Variants in SPATS2L observed in about 807,000 individuals in gnomAD.
SPATS2L encodes the protein spermatogenesis associated serine rich 2 like.
Under a neutral mutation model 59.6 loss-of-function variants are expected in SPATS2L, and 30 were observed. The observed-to-expected ratio is 0.50, with a 90% CI of 0.38 to 0.68. The LOEUF (loss-of-function observed/expected upper bound fraction) is 0.68. Ranked by LOEUF, SPATS2L falls within the 30% of genes least tolerant of loss-of-function variation. The pLI, the probability that SPATS2L is intolerant of heterozygous loss-of-function variation, is 0.00. For missense variants in SPATS2L, 615 were observed against 700.0 expected (o/e 0.88, Z 1.37); for synonymous variants, 252 against 263.5 (o/e 0.96, Z 0.42).
At position 200,441,800 on chromosome 2, in the gene SPATS2L, T is replaced by A. The variant is rs376499361; in HGVS notation, c.788+1016T>A. ...CACCATGCCCAAGCTCATTAACATATTCTCTATATCTCATTGGCCTCCCGT... is the reference window on the plus strand; with the variant it reads ...CACCATGCCCAAGCTCATTAACATAATCTCTATATCTCATTGGCCTCCCGT... On this transcript the variant is annotated intron_variant, in intron 8 of 12. Coordinates refer to ENST00000409140, the MANE Select transcript of SPATS2L (RefSeq NM_001100423.2). Among the ~76,000 whole-genome samples the A allele has an allele frequency of 1.7e-3, 261 of 152,204 alleles. 2 individuals are homozygous for A. The highest frequency in any genetic ancestry group is 6.0e-3 in the African/African-American group (249 of 41,544).
intron 2 of SPATS2L, among the ~76,000 whole-genome samples, chr2:200,352,349 A>T (rs1196454606): frequency 3.2e-3 from 77 of 23,720 alleles, no homozygotes; most frequent in Non-Finnish European, 0.012. Flanking sequence ...ATATATATAT[A>T]TATATATATA....
chr2:200,416,669 T>C (rs1396168377), intron 5 of SPATS2L, among the ~76,000 whole-genome samples: 1 of 152,112 alleles, frequency 6.6e-6, no homozygotes, highest in Admixed American at 6.5e-5. Flanking sequence ...AGTCCCAGAG[T>C]TGTTCTCTTT....
At chr2:200,319,769 C>T (rs991356696) in intron 1 of SPATS2L, among the ~76,000 whole-genome samples, 18 of 151,988 alleles carry the variant, frequency 1.2e-4, no homozygotes, top group Admixed American at 1.2e-3. Context: ...AAGAAAACTT[C>T]CAAGCCTTTT....
At chr2:200,308,154 TTGAC>T (rs1347992892) in intron 1 of SPATS2L, among the ~76,000 whole-genome samples, 7 of 152,080 alleles carry the variant, frequency 4.6e-5, no homozygotes, top group South Asian at 2.1e-4. Context: ...CAGCACCACT[TTGAC>T]TGGTACTGTT....
chr2:200,472,924 A>C lies in SPATS2L; in HGVS notation c.1153A>C (p.Ser385Arg), dbSNP rs1165854354. The C allele has an allele frequency of 6.2e-7, 1 of 1,613,882 alleles. No individual in the cohort carries two copies. Among genetic ancestry groups the C allele is most frequent in the Non-Finnish European group, 8.5e-7 (1 of 1,179,872 alleles). ...GCACGCAGCAACCTCTGGGAAACAG[A>C]GTAACTTTTCCCGAAAATCATCCAC... is the stretch of plus-strand genomic sequence containing the variant. Reference protein sequence around the residue: ...NAHAATSGKQSNFSRKSSTHN... With the variant: ...NAHAATSGKQRNFSRKSSTHN... The change falls in exon 12 of 13, where the codon AGT becomes CGT. Residue 385 changes from serine (S) to arginine (R), a missense_variant. Physicochemically the swap from Ser to Arg is moderately radical, Grantham distance 110 (BLOSUM62 -1). Coordinates refer to ENST00000409140, the MANE Select transcript of SPATS2L (RefSeq NM_001100423.2).
chr2:200,369,284 G>T (rs531103325), intron 2 of SPATS2L, among the ~76,000 whole-genome samples: 3 of 152,160 alleles, frequency 2.0e-5, no homozygotes, highest in Admixed American at 1.3e-4. Flanking sequence ...TCAGCCTCCT[G>T]GATAGCTAGG....
intron 2 of SPATS2L, among the ~76,000 whole-genome samples, chr2:200,337,629 C>T (rs1005551801): frequency 2.6e-5 from 4 of 152,148 alleles, no homozygotes; most frequent in African/African-American, 7.2e-5. Flanking sequence ...GAAGAGGGCT[C>T]TGACAGCTAG....
At chr2:200,316,558 G>A (rs1402704083) in intron 1 of SPATS2L, among the ~76,000 whole-genome samples, 1 of 152,226 alleles carries the variant, frequency 6.6e-6, no homozygotes, top group Non-Finnish European at 1.5e-5. Flanking sequence ...GACCAACCAT[G>A]CAGTTTGCCT....
At chr2:200,437,494 C>T (rs2084381243) in intron 6 of SPATS2L, among the ~76,000 whole-genome samples, 2 of 152,104 alleles carry the variant, frequency 1.3e-5, no homozygotes, top group African/African-American at 4.8e-5. Flanking sequence ...TAATAAGTAC[C>T]AAGGGAAACT....
chr2:200,394,595 A>G (rs1164425708), intron 3 of SPATS2L, among the ~76,000 whole-genome samples: 1 of 152,188 alleles, frequency 6.6e-6, no homozygotes. Flanking sequence ...TGAATAATGA[A>G]TGAATGGACA....
rs1390542747 is a variant in SPATS2L, at chr2:200,306,743, C to T, written c.-252C>T. On this transcript the variant is annotated 5_prime_UTR_variant, in exon 1 of 13. Coordinates refer to ENST00000409140, the MANE Select transcript of SPATS2L (RefSeq NM_001100423.2). ...CCGGGGGCCGAGCTGGCTGCGCCCT[C>T]CGCTGCAAGCGCCGGCAGCGCGGGG... 1.0e-6 allele frequency: 1 copy of T among 953,644 alleles called. No individual in the cohort carries two copies. The highest frequency in any genetic ancestry group is 1.8e-5 in the African/African-American group (1 of 54,660). 59.1% of individuals were successfully genotyped at this position (953,644 alleles called of 1,614,324 possible).
At chr2:200,333,483 T>A (rs1024299440) in intron 2 of SPATS2L, among the ~76,000 whole-genome samples, 9 of 151,590 alleles carry the variant, frequency 5.9e-5, no homozygotes, top group East Asian at 1.9e-4. Flanking sequence ...TTTTTTAAAA[T>A]TTTTTTTATT....
chr2:200,320,686 A>T (rs1277006697), intron 1 of SPATS2L, among the ~76,000 whole-genome samples: 1 of 152,202 alleles, frequency 6.6e-6, no homozygotes, highest in Non-Finnish European at 1.5e-5. Context: ...CACTAAGCTG[A>T]AAATTCTGTA....
chr2:200,396,068 T>TATATA lies in SPATS2L; in HGVS notation c.39+6785_39+6786insATATA, dbSNP rs58104978. On this transcript the variant is annotated intron_variant, in intron 3 of 12. Coordinates refer to ENST00000409140, the MANE Select transcript of SPATS2L (RefSeq NM_001100423.2). ...TATATATATATATATATATATATAT[T>TATATA]TTCCCATAGAACCAAGATTGGAAAG... Among the ~76,000 whole-genome samples, 96 of 25,030 alleles carry TATATA rather than the reference T, an allele frequency of 3.8e-3. 1 individual carries two copies. The highest frequency in any genetic ancestry group is 7.0e-3 in the Admixed American group (9 of 1,282). The allele number at this position is 25,030 out of a possible 152,430, so 16.4% of individuals were successfully genotyped here. A position where few individuals can be genotyped will look rare whatever the true frequency, so the allele number is the denominator to read the frequency against.
At chr2:200,367,068 A>G (rs768344644) in intron 2 of SPATS2L, among the ~76,000 whole-genome samples, 1 of 152,232 alleles carries the variant, frequency 6.6e-6, no homozygotes, top group Non-Finnish European at 1.5e-5. Flanking sequence ...CAAAGTCGTA[A>G]TATTATTGAA....
intron 5 of SPATS2L, among the ~76,000 whole-genome samples, chr2:200,418,678 T>C (rs1171822450): frequency 6.6e-6 from 1 of 152,074 alleles, no homozygotes; most frequent in Non-Finnish European, 1.5e-5. Flanking sequence ...TGACAGCAAT[T>C]CCAGGAATCT....
intron 1 of SPATS2L, among the ~76,000 whole-genome samples, chr2:200,319,837 A>G (rs1383978363): frequency 3.3e-5 from 5 of 152,218 alleles, no homozygotes. Flanking sequence ...GCAGTGAATC[A>G]TGTGTGCCTA....
intron 8 of SPATS2L, among the ~76,000 whole-genome samples, chr2:200,449,098 T>C (rs551163178): frequency 6.6e-5 from 10 of 152,348 alleles, no homozygotes; most frequent in Admixed American, 6.5e-4. Context: ...TCTTGCCTCA[T>C]TTGTGAATAT....
At chr2:200,375,323 G>T (rs528958603) in intron 2 of SPATS2L, among the ~76,000 whole-genome samples, 2 of 151,962 alleles carry the variant, frequency 1.3e-5, no homozygotes, top group East Asian at 1.9e-4. Context: ...TTCTTTTTTG[G>T]ACAAAAGTGT....
Sources: allele counts gnomAD v4.1 joint callset (sites outside exome capture counted in the v4.1 genomes callset), GRCh38; gene constraint gnomAD v4.1.1; transcripts MANE v1.5; gene names NCBI Gene and HGNC (gene_info 2026-07-23, HGNC 2026-07-21).